BAHCC1: variants seen among roughly 807,000 people sequenced by gnomAD.
BAHCC1 encodes BAH domain and coiled-coil containing 1.
BAHCC1 carries 43 observed loss-of-function variants against 88.2 expected under a neutral mutation model. That is an observed-to-expected ratio of 0.49 (90% CI 0.38 to 0.63). The LOEUF (loss-of-function observed/expected upper bound fraction) is 0.63, where lower values mean the gene tolerates loss of function less well. Among genes scored for constraint, BAHCC1 ranks in the 20% least tolerant of loss-of-function variants. The pLI, the probability that BAHCC1 is intolerant of heterozygous loss-of-function variation, is 0.00. For synonymous variants in BAHCC1, 1,510 were observed against 745.5 expected (o/e 2.03, Z -16.71); for missense variants, 3,023 against 1,654.8 (o/e 1.83, Z -14.34).
At position 81,399,662 on chromosome 17, in the gene BAHCC1, G is replaced by C. The variant is rs1598444427; in HGVS notation, c.-78G>C. The C allele has an allele frequency of 1.1e-6, 1 of 914,906 alleles. No individual in the cohort carries two copies. Among genetic ancestry groups the C allele is most frequent in the Non-Finnish European group, 1.3e-6 (1 of 764,922 alleles). 56.7% of individuals were successfully genotyped at this position (914,906 alleles called of 1,614,324 possible). A position where few individuals can be genotyped will look rare whatever the true frequency, so the allele number is the denominator to read the frequency against. On this transcript the variant is annotated 5_prime_UTR_variant, in exon 2 of 28. Transcript: ENST00000675386. The surrounding 1 kb of genome is among the most constrained non-coding windows in gnomAD (Gnocchi z 4.5). ...CCCCGGACGCCGCCGCCTCTGCGCC[G>C]CCCGCGCGCCGAGCCGCCCCCGGGC... is the stretch of plus-strand genomic sequence containing the variant.
At chr17:81,439,613 G>A (rs1258230212) in intron 4 of BAHCC1, among the ~76,000 whole-genome samples, 6 of 152,036 alleles carry the variant, frequency 3.9e-5, no homozygotes, top group African/African-American at 1.5e-4. Context: ...CCCAGGCTGT[G>A]GGGGATGAGA....
chr17:81,399,259 G>T lies in BAHCC1; in HGVS notation c.-206-275G>T. 1 of 395,542 alleles carries T rather than the reference G, an allele frequency of 2.5e-6. No homozygotes were observed. The highest frequency in any genetic ancestry group is 5.1e-6 in the Non-Finnish European group (1 of 196,004). The allele number at this position is 395,542 out of a possible 1,614,324, so 24.5% of individuals were successfully genotyped here. A position where few individuals can be genotyped will look rare whatever the true frequency, so the allele number is the denominator to read the frequency against. On this transcript the variant is annotated intron_variant, in intron 1 of 27. Coordinates refer to ENST00000675386, the MANE Select transcript of BAHCC1 (RefSeq NM_001377448.1). This position sits in a 1 kb window ranked among gnomAD's most constrained non-coding sequence, Gnocchi z 4.5. ...TGCAGGGACCCGCGGGGACGAGAAC[G>T]GGAGGCGGCGAGCAGTGCGGCTGGG...
intron 2 of BAHCC1, among the ~76,000 whole-genome samples, chr17:81,404,539 T>A (rs896650892): frequency 3.9e-5 from 6 of 152,320 alleles, no homozygotes; most frequent in Middle Eastern, 3.4e-3. Context: ...AAGGGCAGAT[T>A]ACCCAGGAGG....
Position 81,465,530 on chromosome 17 carries a change from T to C in BAHCC1, c.*1713T>C, listed in dbSNP as rs2030645150. ...CTCCTTATATCCTCCCACACTAAGG[T>C]TCCCCTGGCCCCACGGGAGCTTCAG... On this transcript the variant is annotated 3_prime_UTR_variant, in exon 28 of 28. Transcript: ENST00000675386. 1 of 152,264 alleles carries C rather than the reference T, an allele frequency of 6.6e-6. No individual in the cohort carries two copies. Among genetic ancestry groups the C allele is most frequent in the South Asian group, 2.1e-4 (1 of 4,832 alleles). The allele number at this position is 152,264 out of a possible 1,614,324, so 9.4% of individuals were successfully genotyped here.
chr17:81,399,593 T>C lies in BAHCC1; in HGVS notation c.-147T>C. 1 of 483,898 alleles carries C rather than the reference T, an allele frequency of 2.1e-6. No homozygotes were observed. 30.0% of individuals were successfully genotyped at this position (483,898 alleles called of 1,614,324 possible). A position where few individuals can be genotyped will look rare whatever the true frequency, so the allele number is the denominator to read the frequency against. On this transcript the variant is annotated 5_prime_UTR_variant, in exon 2 of 28. Transcript: ENST00000675386. This position sits in a 1 kb window ranked among gnomAD's most constrained non-coding sequence, Gnocchi z 4.5. The stretch of plus-strand genomic sequence containing the variant: ...CGCGGCCGCCCGCCGAGAAGCCCAG[T>C]CCTCCCGCGTGCTGACCGGCCCCGC...
chr17:81,455,699 G>A (rs995070376), intron 15 of BAHCC1, among the ~76,000 whole-genome samples: 4 of 152,228 alleles, frequency 2.6e-5, no homozygotes, highest in Admixed American at 2.0e-4. Context: ...ACGAGGCCCT[G>A]CCTTTCTTCA....
chr17:81,410,301 C>A (rs2063934006), intron 2 of BAHCC1, among the ~76,000 whole-genome samples: 1 of 152,204 alleles, frequency 6.6e-6, no homozygotes, highest in Non-Finnish European at 1.5e-5. Flanking sequence ...GGGCAGCAGG[C>A]AGCGAGACTC....
intron 14 of BAHCC1, among the ~76,000 whole-genome samples, chr17:81,453,259 G>A (rs1197348412): frequency 6.6e-6 from 1 of 152,186 alleles, no homozygotes; most frequent in Admixed American, 6.5e-5. Context: ...CTGCCGGCGC[G>A]ATGTTATTAT....
intron 10 of BAHCC1, among the ~76,000 whole-genome samples, chr17:81,446,295 T>G (rs2064525761): frequency 6.6e-6 from 1 of 152,094 alleles, no homozygotes; most frequent in Non-Finnish European, 1.5e-5. Context: ...TTCTTTTTTT[T>G]GCAGTTAATG....
Position 81,443,535 on chromosome 17 carries a change from G to C in BAHCC1, c.2186G>C (p.Arg729Pro). 1 of 655,942 alleles carries C rather than the reference G, an allele frequency of 1.5e-6. No individual in the cohort carries two copies. The allele number at this position is 655,942 out of a possible 1,614,324, so 40.6% of individuals were successfully genotyped here. A position where few individuals can be genotyped will look rare whatever the true frequency, so the allele number is the denominator to read the frequency against. Residue 729 changes from arginine to proline, a missense_variant, in exon 5 of 28, where the codon CGG becomes CCG. Coordinates refer to ENST00000675386, the MANE Select transcript of BAHCC1 (RefSeq NM_001377448.1). ...SEAAYGTNTA[R>P]QGRAAPAFKG... ...GCAGCCTACGGCACCAACACTGCGCGGCAGGGCCGGGCCGCCCCCGCCTTC... is the reference window on the plus strand; with the variant it reads ...GCAGCCTACGGCACCAACACTGCGCCGCAGGGCCGGGCCGCCCCCGCCTTC...
intron 1 of BAHCC1, among the ~76,000 whole-genome samples, chr17:81,398,680 T>C (rs1456176460): frequency 6.6e-6 from 1 of 151,352 alleles, no homozygotes; most frequent in Non-Finnish European, 1.5e-5. Flanking sequence ...GGGGGCGGGG[T>C]GATTGTTACA....
In BAHCC1 at chr17:81,426,933, C is replaced by T; in HGVS notation, c.312C>T (p.Gly104=). Residue 104 remains glycine, a synonymous_variant, in exon 3 of 28, where the codon GGC becomes GGT. Transcript: ENST00000675386. ...CCCCCCCTGAGCAGGCCTACCGTGG[C>T]TCCCACCCCACCACCTCCCAGATCT... ...SSSPPEQAYR[G]SHPTTSQIWF... 1 of 398,732 alleles carries T rather than the reference C, an allele frequency of 2.5e-6. No individual in the cohort carries two copies. The highest frequency in any genetic ancestry group is 4.4e-6 in the Non-Finnish European group (1 of 226,178). 24.7% of individuals were successfully genotyped at this position (398,732 alleles called of 1,614,324 possible).
chr17:81,401,130 G>A (rs1555645969), intron 2 of BAHCC1: 1 of 152,296 alleles, frequency 6.6e-6, no homozygotes, highest in African/African-American at 2.4e-5. Context: ...GGATGGCAGA[G>A]ACGGGGCTAG....
At position 81,435,842 on chromosome 17, in the gene BAHCC1, G is replaced by T. The variant is rs1314217638; in HGVS notation, c.359-2528G>T. ...CCTCAGTGGCAGCCCCTTCCAGGAT[G>T]CCTGTGTGTCCCCGGCCCAGCCACA... On this transcript the variant is annotated intron_variant, in intron 3 of 27. Transcript: ENST00000675386. The surrounding 1 kb of genome is among the most constrained non-coding windows in gnomAD (Gnocchi z 4.4). Among the ~76,000 whole-genome samples the T allele has an allele frequency of 6.6e-6, 1 of 151,952 alleles. No homozygotes were observed. The highest frequency in any genetic ancestry group is 2.4e-5 in the African/African-American group (1 of 41,352).
At chr17:81,437,778 T>C (rs1465121071) in intron 3 of BAHCC1, among the ~76,000 whole-genome samples, 1 of 152,216 alleles carries the variant, frequency 6.6e-6, no homozygotes, top group African/African-American at 2.4e-5. Context: ...CAAGGAACTC[T>C]TTGCCCCCGT....
chr17:81,442,326 G>T lies in BAHCC1; in HGVS notation c.977G>T (p.Gly326Val), dbSNP rs2064434465. ...TSGRCAKEAAGPPEPGPAFSE... is the reference protein window; with the variant it reads ...TSGRCAKEAAVPPEPGPAFSE... ...GGGCGCTGTGCAAAGGAGGCAGCAGGCCCCCCGGAGCCCGGGCCGGCCTTC... is the reference window on the plus strand; with the variant it reads ...GGGCGCTGTGCAAAGGAGGCAGCAGTCCCCCCGGAGCCCGGGCCGGCCTTC... Residue 326 changes from glycine to valine, a missense_variant, in exon 5 of 28, where the codon GGC (glycine) becomes GTC (valine). Coordinates refer to ENST00000675386, the MANE Select transcript of BAHCC1 (RefSeq NM_001377448.1). 1.5e-6 allele frequency: 1 copy of T among 679,436 alleles called. No homozygotes were observed. 42.1% of individuals were successfully genotyped at this position (679,436 alleles called of 1,614,324 possible).
intron 15 of BAHCC1, 117 bp downstream of exon 15, chr17:81,455,507 A>G (rs1376264642): frequency 1.6e-6 from 1 of 626,584 alleles, no homozygotes; most frequent in Admixed American, 2.4e-5. Flanking sequence ...AGATGAGCGA[A>G]GCAAGGCTGG....
At chr17:81,454,621 A>G (rs1354108065) in intron 14 of BAHCC1, among the ~76,000 whole-genome samples, 1 of 134,628 alleles carries the variant, frequency 7.4e-6, no homozygotes, top group African/African-American at 2.7e-5. Context: ...GCTGTGGCGG[A>G]AATGTGGGTG....
rs782290176 is a variant in BAHCC1 at position 81,452,778 on chromosome 17, C to T, written c.4372C>T (p.Arg1458Cys). 3 of 741,366 alleles carry T rather than the reference C, an allele frequency of 4.0e-6. No individual in the cohort carries two copies. The highest frequency in any genetic ancestry group is 2.6e-5 in the East Asian group (1 of 38,240). The allele number at this position is 741,366 out of a possible 1,614,324, so 45.9% of individuals were successfully genotyped here. Residue 1458 changes from arginine (R) to cysteine (C), a missense_variant, in exon 14 of 28, where the codon CGC becomes TGC. By Grantham distance (180) the Arg-to-Cys change is radical. Transcript: ENST00000675386. ...GCGGGGGCCTGGCCGGCCGAGGAAG[C>T]GCAAACACTCAAGCTCGCTGCCTGC... is the stretch of plus-strand genomic sequence containing the variant. Reference protein sequence around the residue: ...ARRGPGRPRKRKHSSSLPAPR... With the variant: ...ARRGPGRPRKCKHSSSLPAPR...
Sources: allele counts gnomAD v4.1 joint callset (sites outside exome capture counted in the v4.1 genomes callset), GRCh38; gene constraint gnomAD v4.1.1; non-coding constraint Gnocchi (gnomAD v3.1); transcripts MANE v1.5; gene names NCBI Gene and HGNC (gene_info 2026-07-23, HGNC 2026-07-21).